The following SGCG variants were observed in gnomAD, a reference collection of about 807,000 sequenced individuals.
The protein encoded by SGCG is sarcoglycan gamma.
SGCG carries 26 observed loss-of-function variants against 29.3 expected under a neutral mutation model. That is an observed-to-expected ratio of 0.89 (90% CI 0.65 to 1.23). The LOEUF is 1.23. Ranked by LOEUF, SGCG falls within the 50% of genes most tolerant of loss-of-function variation. The probability of loss-of-function intolerance (pLI) is 0.00; values close to 1 mark genes in which losing one functional copy is unlikely to be tolerated. For missense variants in SGCG, 353 were observed against 356.0 expected (o/e 0.99, Z 0.07); for synonymous variants, 145 against 129.7 (o/e 1.12, Z -0.80).
chr13:23,320,027 G>T (rs565139), intron 6 of SGCG, among the ~76,000 whole-genome samples: 23,873 of 152,102 alleles, frequency 0.16, 2,295 homozygotes, highest in African/African-American at 0.26. Flanking sequence ...CTTTCCATTT[G>T]CCCTGTAATG....
At chr13:23,205,470 A>G (rs1877950126) in intron 2 of SGCG, among the ~76,000 whole-genome samples, 1 of 152,170 alleles carries the variant, frequency 6.6e-6, no homozygotes, top group Admixed American at 6.5e-5. Context: ...AGGGCCTGGG[A>G]GTGACGAGAA....
At chr13:23,306,964 A>G (rs1463205239) in intron 6 of SGCG, among the ~76,000 whole-genome samples, 1 of 152,258 alleles carries the variant, frequency 6.6e-6, no homozygotes, top group Non-Finnish European at 1.5e-5. Flanking sequence ...GTGAAAAGTA[A>G]TACTCCAAAT....
At chr13:23,218,018 C>A in intron 2 of SGCG, among the ~76,000 whole-genome samples, 1 of 152,060 alleles carries the variant, frequency 6.6e-6, no homozygotes, top group Non-Finnish European at 1.5e-5. Context: ...TGTCTGATAT[C>A]ACTACTGTAA....
chr13:23,173,655 T>G, the SGCG span, among the ~76,000 whole-genome samples: 4 of 152,210 alleles, frequency 2.6e-5, no homozygotes, highest in Non-Finnish European at 5.9e-5. Flanking sequence ...AAATTTCTGG[T>G]CAAGGTAAAG....
chr13:23,292,879 C>G (rs1329865705), intron 5 of SGCG, among the ~76,000 whole-genome samples: 4 of 152,156 alleles, frequency 2.6e-5, no homozygotes, highest in Non-Finnish European at 5.9e-5. Context: ...CTCTGCTTGT[C>G]TTCTTGGGAA....
chr13:23,207,271 A>G (rs1878017882), intron 2 of SGCG, among the ~76,000 whole-genome samples: 1 of 152,212 alleles, frequency 6.6e-6, no homozygotes, highest in African/African-American at 2.4e-5. Flanking sequence ...TCACATGCAA[A>G]AGAATGAATT....
chr13:23,259,868 T>G (rs182466369), intron 4 of SGCG, among the ~76,000 whole-genome samples: 15 of 152,334 alleles, frequency 9.8e-5, no homozygotes, highest in Admixed American at 9.8e-4. Flanking sequence ...GTGAGTTTCT[T>G]AGTCCTGAGT....
chr13:23,230,507 T>C (rs891311715), intron 2 of SGCG, among the ~76,000 whole-genome samples: 1 of 152,214 alleles, frequency 6.6e-6, no homozygotes, highest in Admixed American at 6.5e-5. Flanking sequence ...ACCCCTTGGT[T>C]AGCTGTATTC....
chr13:23,281,243 G>A (rs1416960600), intron 5 of SGCG, among the ~76,000 whole-genome samples: 1 of 152,046 alleles, frequency 6.6e-6, no homozygotes, highest in Non-Finnish European at 1.5e-5. Context: ...GGGAGGCTGA[G>A]GTGGGAGGAT....
chr13:23,228,761 G>A (rs992871670), intron 2 of SGCG, among the ~76,000 whole-genome samples: 5 of 152,076 alleles, frequency 3.3e-5, no homozygotes, highest in Non-Finnish European at 5.9e-5. Flanking sequence ...AAGATAATTG[G>A]CCTCCAGTTC....
At chr13:23,162,995 G>A in the SGCG span, among the ~76,000 whole-genome samples, 1 of 152,050 alleles carries the variant, frequency 6.6e-6, no homozygotes, top group South Asian at 2.1e-4. Context: ...TAAAATTGTA[G>A]GAAAATGATT....
At chr13:23,294,339 G>A (rs1297679553) in intron 5 of SGCG, among the ~76,000 whole-genome samples, 5 of 152,196 alleles carry the variant, frequency 3.3e-5, no homozygotes, top group Non-Finnish European at 5.9e-5. Context: ...TAAATATAAT[G>A]TGAAAGATAC....
rs139499616 is a variant in SGCG, at chr13:23,185,827, G to A, written c.-1+4752G>A. Among the ~76,000 whole-genome samples the A allele has an allele frequency of 9.2e-3, 1,407 of 152,268 alleles. 23 individuals carry two copies. The highest frequency in any genetic ancestry group is 0.032 in the African/African-American group (1,335 of 41,540). ...CTTAGTGCATTCTGAAGTCATTCTC[G>A]TCATCAGCCATCACTTCCACAACTG... On this transcript the variant is annotated intron_variant, in intron 1 of 7. Coordinates refer to ENST00000218867, the MANE Select transcript of SGCG (RefSeq NM_000231.3).
chr13:23,232,736 C>T (rs1879158672), intron 2 of SGCG, among the ~76,000 whole-genome samples: 1 of 151,972 alleles, frequency 6.6e-6, no homozygotes, highest in Admixed American at 6.6e-5. Context: ...GAGCTGAGAT[C>T]ACGTCACTGC....
At chr13:23,251,689 A>G (rs991105730) in intron 4 of SGCG, among the ~76,000 whole-genome samples, 4 of 152,060 alleles carry the variant, frequency 2.6e-5, no homozygotes, top group Non-Finnish European at 5.9e-5. Flanking sequence ...AGGGAGGATC[A>G]CTCGAGCCTA....
At chr13:23,250,594 G>A (rs762893925) in intron 3 of SGCG, 36 bp from the exon 4 acceptor site, 37 of 991,400 alleles carry the variant, frequency 3.7e-5, no homozygotes, top group Non-Finnish European at 5.3e-5. Flanking sequence ...ATTTTAAACA[G>A]CACCTATTTT....
intron 4 of SGCG, among the ~76,000 whole-genome samples, chr13:23,252,484 G>A (rs575116685): frequency 3.7e-4 from 56 of 152,240 alleles, no homozygotes; most frequent in Admixed American, 6.5e-4. Flanking sequence ...GAGGTCAGGA[G>A]ATCAAGACCA....
At chr13:23,251,645 C>T (rs1047626890) in intron 4 of SGCG, among the ~76,000 whole-genome samples, 7 of 151,856 alleles carry the variant, frequency 4.6e-5, no homozygotes, top group Non-Finnish European at 7.4e-5. Flanking sequence ...TGGTGGTGCA[C>T]GTCTGTAGTC....
chr13:23,160,678 C>T, the SGCG span, among the ~76,000 whole-genome samples: 4 of 152,142 alleles, frequency 2.6e-5, no homozygotes, highest in Admixed American at 2.6e-4. Flanking sequence ...CGCCACTTCG[C>T]CTTCAGTTCC....
Sources: allele counts gnomAD v4.1 joint callset (sites outside exome capture counted in the v4.1 genomes callset), GRCh38; gene constraint gnomAD v4.1.1; transcripts MANE v1.5; gene names NCBI Gene and HGNC (gene_info 2026-07-23, HGNC 2026-07-21).